HSD17B4: variants seen among roughly 807,000 people sequenced by gnomAD.
HSD17B4 encodes peroxisomal multifunctional enzyme type 2.
HSD17B4 carries 70 observed loss-of-function variants against 101.0 expected under a neutral mutation model. The ratio of observed to expected loss-of-function variants is 0.69; its 90% CI spans 0.57 to 0.85. The LOEUF is 0.85. Ranked by LOEUF, HSD17B4 falls within the 40% of genes least tolerant of loss-of-function variation. The probability of loss-of-function intolerance (pLI) is 0.00; values close to 1 mark genes in which losing one functional copy is unlikely to be tolerated. For synonymous variants in HSD17B4, 347 were observed against 297.1 expected, an observed-to-expected ratio of 1.17 and a Z score of -1.73; for missense variants, 984 against 892.4, an observed-to-expected ratio of 1.10 and a Z score of -1.31.
intron 20 of HSD17B4, among the ~76,000 whole-genome samples, chr5:119,528,891 G>A (rs1219277403): frequency 6.6e-6 from 1 of 151,774 alleles, no homozygotes; most frequent in African/African-American, 2.4e-5. Context: ...TTCTCTCCCT[G>A]CCTCCTTTTC....
chr5:119,529,850 C>T (rs1753903023), intron 20 of HSD17B4, 44 bp from the exon 21 acceptor site: 1 of 1,104,122 alleles, frequency 9.1e-7, no homozygotes, highest in South Asian at 1.2e-5. Context: ...ATTACACTTC[C>T]ATTGTAATCA....
intron 6 of HSD17B4, 131 bp from the exon 7 acceptor site, chr5:119,477,286 G>T (rs771688207): frequency 1.5e-6 from 1 of 673,540 alleles, no homozygotes; most frequent in Non-Finnish European, 2.7e-6. Context: ...TCATTGGGGT[G>T]TGACAGTAGG....
chr5:119,479,728 A>T (rs1376543149), intron 8 of HSD17B4, among the ~76,000 whole-genome samples: 1 of 152,072 alleles, frequency 6.6e-6, no homozygotes, highest in African/African-American at 2.4e-5. Context: ...CAATTTGTTT[A>T]TTCATACACC....
chr5:119,490,990 T>C (rs920012246), intron 9 of HSD17B4, among the ~76,000 whole-genome samples: 7 of 152,202 alleles, frequency 4.6e-5, no homozygotes, highest in Middle Eastern at 3.2e-3. Flanking sequence ...ACATTTAGCA[T>C]GCATGATTGA....
chr5:119,527,167 C>T lies in HSD17B4; in HGVS notation c.1715C>T (p.Thr572Ile). The change falls in exon 20 of 24, where the codon ACT becomes ATT. Residue 572 changes from threonine (T) to isoleucine (I), a missense_variant. By Grantham distance (89) the Thr-to-Ile change is moderately conservative (BLOSUM62 -1). Transcript: ENST00000510025. Reference protein sequence around the residue: ...RFAKPVYPGQTLQTEMWKEGN... With the variant: ...RFAKPVYPGQILQTEMWKEGN... ...GCAAAACCAGTATATCCAGGACAAA[C>T]TCTACAAACTGAGATGTGGAAGGAA... The T allele has an allele frequency of 6.2e-7, 1 of 1,610,152 alleles. No homozygotes were observed. The highest frequency in any genetic ancestry group is 8.5e-7 in the Non-Finnish European group (1 of 1,176,906).
intron 22 of HSD17B4, among the ~76,000 whole-genome samples, chr5:119,534,173 C>T (rs985959744): frequency 6.6e-6 from 1 of 151,962 alleles, no homozygotes; most frequent in African/African-American, 2.4e-5. Context: ...ATTTGGTTTC[C>T]TTTCACATGT....
intron 8 of HSD17B4, among the ~76,000 whole-genome samples, chr5:119,482,503 ATGGGTTGCAATTTTTT>A (rs1749230475): frequency 6.6e-6 from 1 of 152,052 alleles, no homozygotes; most frequent in African/African-American, 2.4e-5. Context: ...GCCTTTTAAC[ATGGGTTGCAATTTTTT>A]TGTTGAAAGT....
chr5:119,536,061 A>G (rs1754506936), intron 22 of HSD17B4: 1 of 269,574 alleles, frequency 3.7e-6, no homozygotes, highest in Admixed American at 5.1e-5. Context: ...GATGCCTGTA[A>G]TGAATTCTGC....
chr5:119,493,946 G>A lies in HSD17B4; in HGVS notation c.868G>A (p.Glu290Lys), dbSNP rs1277024567. 6.2e-7 allele frequency: 1 copy of A among 1,612,896 alleles called. No individual in the cohort carries two copies. Among genetic ancestry groups the A allele is most frequent in the African/African-American group, 1.3e-5 (1 of 74,860 alleles). The stretch of plus-strand genomic sequence containing the variant: ...TGCCAGCAAGCCTCAGAGTATCCAA[G>A]GTAAAGAGAGTCCCCGTCACTTAGC... ...ENASKPQSIQ[E>K]STGSIIEVLS... is the part of the protein sequence containing the mutation. Residue 290 changes from glutamate to lysine, a missense_variant and splice_region_variant, in exon 11 of 24, where the codon GAA (glutamate) becomes AAA (lysine). Coordinates refer to ENST00000510025, the MANE Select transcript of HSD17B4 (RefSeq NM_000414.4).
chr5:119,463,769 A>G (rs1755522858), intron 2 of HSD17B4, among the ~76,000 whole-genome samples: 1 of 145,420 alleles, frequency 6.9e-6, no homozygotes, highest in African/African-American at 2.5e-5. Context: ...CCCGGGTTCA[A>G]GCGATTCTCC....
At chr5:119,484,629 A>G (rs537283218) in intron 8 of HSD17B4, among the ~76,000 whole-genome samples, 28 of 152,332 alleles carry the variant, frequency 1.8e-4, no homozygotes, top group African/African-American at 6.7e-4. Flanking sequence ...AAAAGGTACA[A>G]AATAATTGAT....
intron 16 of HSD17B4, 21 bp downstream of exon 16, chr5:119,509,265 C>T (rs372940909): frequency 2.0e-5 from 26 of 1,317,444 alleles, no homozygotes; most frequent in Non-Finnish European, 2.7e-5. Context: ...ACTTTGTAAG[C>T]AAAATATATG....
At chr5:119,488,477 A>G (rs574223791) in intron 8 of HSD17B4, among the ~76,000 whole-genome samples, 1 of 152,302 alleles carries the variant, frequency 6.6e-6, no homozygotes, top group Non-Finnish European at 1.5e-5. Flanking sequence ...AATAGCTAGA[A>G]GAGAAGATTT....
chr5:119,514,080 G>A (rs1395510706), intron 16 of HSD17B4, among the ~76,000 whole-genome samples: 1 of 152,112 alleles, frequency 6.6e-6, no homozygotes, highest in Non-Finnish European at 1.5e-5. Flanking sequence ...AAATGAATTT[G>A]TAAATAAAAC....
At chr5:119,518,024 C>T (rs538757562) in intron 17 of HSD17B4, among the ~76,000 whole-genome samples, 1 of 152,264 alleles carries the variant, frequency 6.6e-6, no homozygotes, top group East Asian at 1.9e-4. Flanking sequence ...CCACTCAGCT[C>T]TACCAATCAG....
At chr5:119,538,651 C>T (rs968911581) in intron 23 of HSD17B4, among the ~76,000 whole-genome samples, 22 of 152,136 alleles carry the variant, frequency 1.4e-4, no homozygotes, top group African/African-American at 4.6e-4. Context: ...CCACTTGCCC[C>T]ATCACCTGTA....
chr5:119,476,009 C>T (rs1748549397), intron 6 of HSD17B4, 139 bp downstream of exon 6: 1 of 674,352 alleles, frequency 1.5e-6, no homozygotes. Flanking sequence ...AAACTGTATA[C>T]TGAAGACAAT....
intron 17 of HSD17B4, among the ~76,000 whole-genome samples, chr5:119,520,002 T>C (rs1752972979): frequency 6.6e-6 from 1 of 152,196 alleles, no homozygotes; most frequent in South Asian, 2.1e-4. Flanking sequence ...TTCTCTAGGC[T>C]ACCATAGCAC....
chr5:119,484,952 G>A (rs986854852), intron 8 of HSD17B4, among the ~76,000 whole-genome samples: 3 of 152,078 alleles, frequency 2.0e-5, no homozygotes, highest in African/African-American at 7.2e-5. Context: ...TTATGTGAAA[G>A]ATATATAATT....
Sources: allele counts gnomAD v4.1 joint callset (sites outside exome capture counted in the v4.1 genomes callset), GRCh38; gene constraint gnomAD v4.1.1; transcripts MANE v1.5; gene names NCBI Gene and HGNC (gene_info 2026-07-23, HGNC 2026-07-21).